HSD17B12: variants seen among roughly 807,000 people sequenced by gnomAD.
The protein encoded by HSD17B12 is hydroxysteroid 17-beta dehydrogenase 12.
In HSD17B12, 32 loss-of-function variants were observed where a neutral mutation model predicts 39.3. That is an observed-to-expected ratio of 0.81 (90% confidence interval 0.61 to 1.09). The LOEUF is 1.09. Among genes scored for constraint, HSD17B12 ranks in the 50% least tolerant of loss-of-function variants. HSD17B12 has a pLI of 0.00. For synonymous variants in HSD17B12, 150 were observed against 146.7 expected, an observed-to-expected ratio of 1.02 and a Z score of -0.16; for missense variants, 342 against 382.9, an observed-to-expected ratio of 0.89 and a Z score of 0.89.
chr11:43,844,809 T>C (rs188221470), intron 9 of HSD17B12, among the ~76,000 whole-genome samples: 19 of 152,308 alleles, frequency 1.2e-4, no homozygotes, highest in South Asian at 6.2e-4. Context: ...TAATTTCAAG[T>C]CTACAGAAAA....
the HSD17B12 span, among the ~76,000 whole-genome samples, chr11:43,638,929 G>A: frequency 1.3e-5 from 2 of 152,070 alleles, no homozygotes; most frequent in Admixed American, 6.6e-5. Context: ...AAGATTTAAG[G>A]GCTCCCCACT....
intron 4 of HSD17B12, among the ~76,000 whole-genome samples, chr11:43,804,241 C>T (rs887931258): frequency 1.3e-5 from 2 of 152,182 alleles, no homozygotes; most frequent in Non-Finnish European, 2.9e-5. Context: ...AGAATTTCCC[C>T]ATGCCAGATG....
chr11:43,686,304 T>G (rs1949798192), intron 1 of HSD17B12, among the ~76,000 whole-genome samples: 1 of 152,188 alleles, frequency 6.6e-6, no homozygotes, highest in African/African-American at 2.4e-5. Context: ...TCATAAATGT[T>G]TTTGAATATT....
intron 4 of HSD17B12, among the ~76,000 whole-genome samples, chr11:43,801,209 A>G (rs1950964673): frequency 6.6e-6 from 1 of 152,156 alleles, no homozygotes; most frequent in Admixed American, 6.5e-5. Flanking sequence ...ATATAACATG[A>G]AACAAAATAA....
At chr11:43,822,753 C>T (rs982267392) in intron 6 of HSD17B12, among the ~76,000 whole-genome samples, 3 of 152,100 alleles carry the variant, frequency 2.0e-5, no homozygotes, top group Non-Finnish European at 4.4e-5. Context: ...TGGGTTGGTT[C>T]CAAGTCTTTG....
At chr11:43,815,641 A>ACTACC (rs1951115421) in intron 5 of HSD17B12, 140 bp downstream of exon 5, 5 of 503,434 alleles carry the variant, frequency 9.9e-6, no homozygotes, top group Middle Eastern at 2.9e-4. Flanking sequence ...TTCCCTGGGT[A>ACTACC]TGGGCCTAGC....
the HSD17B12 span, among the ~76,000 whole-genome samples, chr11:43,641,248 C>T: frequency 6.6e-6 from 1 of 151,644 alleles, no homozygotes; most frequent in East Asian, 1.9e-4. Flanking sequence ...ATGAGATAGA[C>T]CCCTTTTTTT....
the HSD17B12 span, among the ~76,000 whole-genome samples, chr11:43,631,269 A>C: frequency 6.6e-6 from 1 of 152,206 alleles, no homozygotes; most frequent in South Asian, 2.1e-4. Context: ...TTTTGAAGAA[A>C]TATAGGTTGG....
At chr11:43,694,500 A>G (rs1355579079) in intron 1 of HSD17B12, among the ~76,000 whole-genome samples, 2 of 151,912 alleles carry the variant, frequency 1.3e-5, no homozygotes, top group Admixed American at 6.6e-5. Context: ...CAGGAGTTCC[A>G]GATCAGCCAG....
chr11:43,705,552 C>T (rs1565055933), intron 1 of HSD17B12, among the ~76,000 whole-genome samples: 1 of 152,034 alleles, frequency 6.6e-6, no homozygotes. Flanking sequence ...CGTTACTGTC[C>T]TTTGTGCATA....
chr11:43,781,420 G>T (rs1354181515), intron 3 of HSD17B12, among the ~76,000 whole-genome samples: 1 of 152,060 alleles, frequency 6.6e-6, no homozygotes, highest in African/African-American at 2.4e-5. Context: ...TCTGTCTTTT[G>T]TTTTAAAAAA....
At chr11:43,654,521 G>A in the HSD17B12 span, among the ~76,000 whole-genome samples, 12 of 151,858 alleles carry the variant, frequency 7.9e-5, no homozygotes, top group Non-Finnish European at 7.4e-5. Context: ...GGGTTTTTAT[G>A]GTTTTAGGTC....
intron 1 of HSD17B12, among the ~76,000 whole-genome samples, chr11:43,690,357 CATACATATATATATATATAT>C (rs1565049464): frequency 1.5e-4 from 11 of 74,074 alleles, no homozygotes; most frequent in African/African-American, 6.1e-4. Flanking sequence ...GTAAGGTATT[CATACATATATATATATATAT>C]ATATATATAT....
intron 3 of HSD17B12, among the ~76,000 whole-genome samples, chr11:43,773,158 A>G (rs1216891239): frequency 6.6e-6 from 1 of 152,154 alleles, no homozygotes; most frequent in Non-Finnish European, 1.5e-5. Context: ...ATGTTCAGAA[A>G]TTTCTTGAAT....
At chr11:43,854,681 G>A (rs1305984917) in intron 9 of HSD17B12, 34 bp from the exon 10 acceptor site, 1 of 1,610,678 alleles carries the variant, frequency 6.2e-7, no homozygotes, top group Non-Finnish European at 8.5e-7. Context: ...ACTAATCAAT[G>A]GCATGTTTTC....
At chr11:43,631,601 CTCTCTCTGTCTCTCTCTCTCTG>C in the HSD17B12 span, among the ~76,000 whole-genome samples, 10 of 129,740 alleles carry the variant, frequency 7.7e-5, no homozygotes, top group Admixed American at 2.8e-4. Flanking sequence ...GTCTCTCTCT[CTCTCTCTGTCTCTCTCTCTCTG>C]TCTGTCTGTC....
the HSD17B12 span, among the ~76,000 whole-genome samples, chr11:43,568,605 T>C: frequency 1.3e-5 from 2 of 152,192 alleles, no homozygotes; most frequent in Admixed American, 1.3e-4. Flanking sequence ...AAAATAAAAT[T>C]CCATGAGATA....
the HSD17B12 span, among the ~76,000 whole-genome samples, chr11:43,658,875 A>G: frequency 1.3e-5 from 2 of 152,342 alleles, no homozygotes; most frequent in South Asian, 4.1e-4. Flanking sequence ...GCCCGTTCTT[A>G]GATCTCAAGC....
At chr11:43,746,837 T>C (rs527484657) in intron 1 of HSD17B12, among the ~76,000 whole-genome samples, 1 of 152,342 alleles carries the variant, frequency 6.6e-6, no homozygotes, top group African/African-American at 2.4e-5. Context: ...ACAGTGTCAC[T>C]AGATGATAGG....
Sources: gnomAD v4.1 joint callset for allele counts (sites outside exome capture counted in the v4.1 genomes callset) on GRCh38, gnomAD v4.1.1 for gene constraint, MANE v1.5 for transcripts, NCBI Gene and HGNC (gene_info 2026-07-23, HGNC 2026-07-21) for gene names.